SRPRA: variants seen among roughly 807,000 people sequenced by gnomAD.
SRPRA encodes the protein signal recognition particle receptor subunit alpha.
Under a neutral mutation model 61.1 loss-of-function variants are expected in SRPRA, and 30 were observed. That is an observed-to-expected ratio of 0.49 (90% CI 0.37 to 0.67). The LOEUF is 0.67. Ranked by LOEUF, SRPRA falls within the 30% of genes least tolerant of loss-of-function variation. The pLI is 0.00. For synonymous variants in SRPRA, 324 were observed against 299.7 expected, an observed-to-expected ratio of 1.08 and a Z score of -0.84; for missense variants, 759 against 828.4, an observed-to-expected ratio of 0.92 and a Z score of 1.03.
chr11:126,257,043 A>G, the SRPRA span, among the ~76,000 whole-genome samples: 1 of 152,278 alleles, frequency 6.6e-6, no homozygotes, highest in African/African-American at 2.4e-5. Flanking sequence ...ACAAAAAGGA[A>G]TACTTGAGCA....
chr11:126,254,768 G>C, the SRPRA span, among the ~76,000 whole-genome samples: 1 of 152,202 alleles, frequency 6.6e-6, no homozygotes, highest in Non-Finnish European at 1.5e-5. Flanking sequence ...TAAGGCTGTA[G>C]TGAGCTGTGT....
chr11:126,267,024 C>T lies in SRPRA; in HGVS notation c.527-102G>A. ...TTGTTCAAAGGAAATTTGGACCAAA[C>T]ATCTTGGAGTTCATAAGGCCTGGGG... On this transcript the variant is annotated intron_variant, in intron 4 of 13. Transcript: ENST00000332118. This position sits in a 1 kb window ranked among gnomAD's most constrained non-coding sequence, Gnocchi z 4.2. 2 of 1,531,810 alleles carry T rather than the reference C, an allele frequency of 1.3e-6. No homozygotes were observed. Among genetic ancestry groups the T allele is most frequent in the South Asian group, 1.3e-5 (1 of 79,112 alleles). The allele number at this position is 1,531,810 out of a possible 1,614,324, so 94.9% of individuals were successfully genotyped here. A position where few individuals can be genotyped will look rare whatever the true frequency, so the allele number is the denominator to read the frequency against.
Position 126,265,548 on chromosome 11 carries a change from T to G in SRPRA, c.1139-108A>C, listed in dbSNP as rs1411431037. ...GGACTAAAACAGTAAATTAGACTCT[T>G]GTCCCAGAAATCCAGAACAGACGCA... On this transcript the variant is annotated intron_variant, in intron 9 of 13. Transcript: ENST00000332118. This position sits in a 1 kb window ranked among gnomAD's most constrained non-coding sequence, Gnocchi z 6.3. 5.9e-6 allele frequency: 8 copies of G among 1,345,222 alleles called. No individual in the cohort carries two copies. The highest frequency in any genetic ancestry group is 8.1e-6 in the Non-Finnish European group (8 of 985,136). The allele number at this position is 1,345,222 out of a possible 1,614,324, so 83.3% of individuals were successfully genotyped here.
rs1280521029 is a variant in SRPRA at position 126,268,628 on chromosome 11, G to A, written c.117+60C>T. ...GAGGAGGCGCGGAATAGAGTCGAAG[G>A]GGACCATGGATCGGGTCAGGAAAGA... On this transcript the variant is annotated intron_variant, in intron 1 of 13. Coordinates refer to ENST00000332118, the MANE Select transcript of SRPRA (RefSeq NM_003139.4). 8.4e-6 allele frequency: 12 copies of A among 1,424,844 alleles called. No homozygotes were observed. The East Asian group carries it at 2.3e-4, about 27-fold the overall frequency. 88.3% of individuals were successfully genotyped at this position (1,424,844 alleles called of 1,614,324 possible).
chr11:126,253,604 A>G, the SRPRA span, among the ~76,000 whole-genome samples: 1 of 152,194 alleles, frequency 6.6e-6, no homozygotes. The surrounding 1 kb of genome is among the most constrained non-coding windows in gnomAD (Gnocchi z 5.1). Flanking sequence ...GATAAAGTAT[A>G]TTAACAATTT....
the SRPRA span, chr11:126,240,832 C>T: frequency 3.1e-6 from 5 of 1,611,660 alleles, no homozygotes; most frequent in Non-Finnish European, 4.2e-6. Flanking sequence ...GCCTCGAGAA[C>T]TTGTGCTAGT....
Position 126,264,049 on chromosome 11 carries a change from G to C in SRPRA, c.1789-5C>G, listed in dbSNP as rs1486024955. 1.9e-6 allele frequency: 3 copies of C among 1,614,132 alleles called. No homozygotes were observed. Among genetic ancestry groups the C allele is most frequent in the Non-Finnish European group, 2.5e-6 (3 of 1,180,004 alleles). ...CATAGAAATAGCAGCTCCCACCTAA[G>C]TGGAGAAAGAGGACAGCCCATCAAC... is the stretch of plus-strand genomic sequence containing the variant. On this transcript the variant is annotated splice_region_variant and splice_polypyrimidine_tract_variant and intron_variant, in intron 13 of 13. Coordinates refer to ENST00000332118, the MANE Select transcript of SRPRA (RefSeq NM_003139.4). The surrounding 1 kb of genome is among the most constrained non-coding windows in gnomAD (Gnocchi z 5.0).
At chr11:126,258,931 G>A (rs1481698665), downstream of SRPRA, among the ~76,000 whole-genome samples, 4 of 152,190 alleles carry the variant, frequency 2.6e-5, no homozygotes, top group Non-Finnish European at 5.9e-5. Flanking sequence ...AACCTTAACT[G>A]CTATTGTGGA....
In SRPRA at chr11:126,264,585, A is replaced by G. The variant is rs762897504; in HGVS notation, c.1526-46T>C. 1.9e-6 allele frequency: 3 copies of G among 1,597,982 alleles called. No homozygotes were observed. Among genetic ancestry groups the G allele is most frequent in the African/African-American group, 1.3e-5 (1 of 74,682 alleles). ...ACTCTGAACACCTGGACTACCACTC[A>G]TGCTCGTTCCCAGCTTCCTCTCAAA... On this transcript the variant is annotated intron_variant, in intron 11 of 13. Transcript: ENST00000332118. The surrounding 1 kb of genome is among the most constrained non-coding windows in gnomAD (Gnocchi z 5.0).
At position 126,263,965 on chromosome 11, in the gene SRPRA, A is replaced by G; in HGVS notation, c.1868T>C (p.Leu623Pro). 1 of 1,614,214 alleles carries G rather than the reference A, an allele frequency of 6.2e-7. No individual in the cohort carries two copies. The highest frequency in any genetic ancestry group is 8.5e-7 in the Non-Finnish European group (1 of 1,180,028). ...FVGTGQTYCD[L>P]RSLNAKAVVA... is the part of the protein sequence containing the mutation. Reference sequence around the variant, plus strand: ...CACAGCCTTGGCATTGAGGCTGCGTAGGTCACAGTAGGTCTGGCCGGTGCC... The same window carrying G: ...CACAGCCTTGGCATTGAGGCTGCGTGGGTCACAGTAGGTCTGGCCGGTGCC... The change falls in exon 14 of 14, where the codon CTA becomes CCA. Residue 623 changes from leucine (L) to proline (P), a missense_variant. Physicochemically the swap from Leu to Pro is moderately conservative, Grantham distance 98. This residue lies in a region of SRPRA where 284 missense variants were observed against 365.9 expected (regional missense o/e 0.78). Coordinates refer to ENST00000332118, the MANE Select transcript of SRPRA (RefSeq NM_003139.4).
chr11:126,267,348 G>A lies in SRPRA; in HGVS notation c.366-13C>T, dbSNP rs376434140. ...CTCCTCTGCTTCACTAAACAAAAAG[G>A]AGAATGGTTTATCTTTCTACCCCAT... On this transcript the variant is annotated splice_polypyrimidine_tract_variant and intron_variant, in intron 3 of 13. Coordinates refer to ENST00000332118, the MANE Select transcript of SRPRA (RefSeq NM_003139.4). This position sits in a 1 kb window ranked among gnomAD's most constrained non-coding sequence, Gnocchi z 4.2. 5.6e-6 allele frequency: 9 copies of A among 1,612,820 alleles called. No homozygotes were observed. The highest frequency in any genetic ancestry group is 7.6e-6 in the Non-Finnish European group (9 of 1,179,684).
Position 126,264,537 on chromosome 11 carries a change from G to A in SRPRA, c.1528C>T (p.Arg510Cys), listed in dbSNP as rs772417234. Residue 510 changes from arginine (R) to cysteine (C), a missense_variant and splice_region_variant, in exon 12 of 14, where the codon CGT (arginine) becomes TGT (cysteine). Coordinates refer to ENST00000332118, the MANE Select transcript of SRPRA (RefSeq NM_003139.4). This position sits in a 1 kb window ranked among gnomAD's most constrained non-coding sequence, Gnocchi z 5.0. ...GIAMEAIAFA[R>C]NQGFDVVLVD... ...AGCACCACGTCAAAGCCTTGGTTAC[G>A]TGCTAGAGAAAGAAAGTAGTCAACT... 29 of 1,612,456 alleles carry A rather than the reference G, an allele frequency of 1.8e-5. No individual in the cohort carries two copies. The highest frequency in any genetic ancestry group is 1.3e-4 in the East Asian group (6 of 44,894).
the SRPRA span, among the ~76,000 whole-genome samples, chr11:126,250,984 G>A: frequency 1.3e-5 from 2 of 152,174 alleles, no homozygotes; most frequent in African/African-American, 4.8e-5. This position sits in a 1 kb window ranked among gnomAD's most constrained non-coding sequence, Gnocchi z 5.1. Context: ...AGCAAGATTA[G>A]AGGAAGTCAC....
Position 126,265,946 on chromosome 11 carries a change from C to T in SRPRA, c.1051+17G>A, listed in dbSNP as rs755110244. ...CCTATCCCGCGAGTATGAGTCAGCCCGGTCCTCAGAACTTACCAATGAGAT... is the reference window on the plus strand; with the variant it reads ...CCTATCCCGCGAGTATGAGTCAGCCTGGTCCTCAGAACTTACCAATGAGAT... On this transcript the variant is annotated intron_variant, in intron 8 of 13. Transcript: ENST00000332118. This position sits in a 1 kb window ranked among gnomAD's most constrained non-coding sequence, Gnocchi z 6.3. 20 of 1,612,986 alleles carry T rather than the reference C, an allele frequency of 1.2e-5. No individual in the cohort carries two copies. The highest frequency in any genetic ancestry group is 3.3e-4 in the Middle Eastern group (2 of 6,080).
In SRPRA at chr11:126,264,014, T is replaced by G; in HGVS notation, c.1819A>C (p.Thr607Pro). The change falls in exon 14 of 14, where the codon ACA (threonine) becomes CCA (proline). Residue 607 changes from threonine (T) to proline (P), a missense_variant. By Grantham distance (38) the Thr-to-Pro change is conservative. Transcript: ENST00000332118. This position sits in a 1 kb window ranked among gnomAD's most constrained non-coding sequence, Gnocchi z 5.0. Reference sequence around the variant, plus strand: ...CCCACAAAGACGATGGGTTTGCTTGTGATGTACGTCATAGAAATAGCAGCT... The same window carrying G: ...CCCACAAAGACGATGGGTTTGCTTGGGATGTACGTCATAGAAATAGCAGCT... The part of the protein sequence containing the change: ...VGAAISMTYI[T>P]SKPIVFVGTG... 4 of 1,614,112 alleles carry G rather than the reference T, an allele frequency of 2.5e-6. No homozygotes were observed. Among genetic ancestry groups the G allele is most frequent in the Non-Finnish European group, 3.4e-6 (4 of 1,180,020 alleles).
Position 126,263,853 on chromosome 11 carries a change from T to C in SRPRA, c.*63A>G. On this transcript the variant is annotated 3_prime_UTR_variant, in exon 14 of 14. Coordinates refer to ENST00000332118, the MANE Select transcript of SRPRA (RefSeq NM_003139.4). ...GGTTGCTCACATACTCTAAAGCACA[T>C]TCTTGATACAGGAAGAAGGGCTTGT... 1.3e-6 allele frequency: 2 copies of C among 1,599,360 alleles called. No individual in the cohort carries two copies. The highest frequency in any genetic ancestry group is 8.5e-7 in the Non-Finnish European group (1 of 1,173,528).
In SRPRA at chr11:126,267,391, G is replaced by A. The variant is rs953806460; in HGVS notation, c.366-56C>T. 23 of 1,601,460 alleles carry A rather than the reference G, an allele frequency of 1.4e-5. No homozygotes were observed. The highest frequency in any genetic ancestry group is 3.5e-5 in the Admixed American group (2 of 57,818). On this transcript the variant is annotated intron_variant, in intron 3 of 13. Transcript: ENST00000332118. This position sits in a 1 kb window ranked among gnomAD's most constrained non-coding sequence, Gnocchi z 4.2. The stretch of plus-strand genomic sequence containing the variant: ...TACCCCATGCAGAAGGAAAAATAAC[G>A]GTCCAGAGAAAGGACTCTCACACCC...
In SRPRA at chr11:126,264,387, C is replaced by T. The variant is rs545740997; in HGVS notation, c.1678G>A (p.Val560Met). ...VGEALVGNEAVDQLVKFNRAL... is the reference protein window; with the variant it reads ...VGEALVGNEAMDQLVKFNRAL... Reference sequence around the variant, plus strand: ...GCCCACGCTCTCACCAGCTGGTCCACGGCTTCATTGCCTACTAAGGCTTCT... The same window carrying T: ...GCCCACGCTCTCACCAGCTGGTCCATGGCTTCATTGCCTACTAAGGCTTCT... The change falls in exon 12 of 14, where the codon GTG (valine) becomes ATG (methionine). Residue 560 changes from valine (V) to methionine (M), a missense_variant. Val to Met is a conservative substitution (Grantham distance 21). Transcript: ENST00000332118. The surrounding 1 kb of genome is among the most constrained non-coding windows in gnomAD (Gnocchi z 5.0). 17 of 1,614,196 alleles carry T rather than the reference C, an allele frequency of 1.1e-5. No homozygotes were observed. Among genetic ancestry groups the T allele is most frequent in the East Asian group, 4.5e-5 (2 of 44,882 alleles).
the SRPRA span, among the ~76,000 whole-genome samples, chr11:126,252,773 G>A: frequency 7.2e-5 from 11 of 152,166 alleles, no homozygotes; most frequent in Admixed American, 5.2e-4. The surrounding 1 kb of genome is among the most constrained non-coding windows in gnomAD (Gnocchi z 4.7). Flanking sequence ...AGTGGTTCAC[G>A]TCTGTAATCC....
Sources: gnomAD v4.1 joint callset for allele counts (sites outside exome capture counted in the v4.1 genomes callset) on GRCh38, gnomAD v4.1.1 for gene constraint, gnomAD v4.1.1 regional missense constraint, Gnocchi (gnomAD v3.1) non-coding constraint, MANE v1.5 for transcripts, NCBI Gene and HGNC (gene_info 2026-07-23, HGNC 2026-07-21) for gene names.